The following KCNH1 variants were observed in gnomAD, a reference collection of about 807,000 sequenced individuals.
KCNH1 encodes the protein potassium voltage-gated channel subfamily H member 1.
In KCNH1, 27 loss-of-function variants were observed where a neutral mutation model predicts 69.2. That is an observed-to-expected ratio of 0.39 (90% CI 0.29 to 0.54). KCNH1 has a LOEUF of 0.54. KCNH1 is among the 20% of genes least tolerant of loss of function. The probability of loss-of-function intolerance (pLI) is 0.68; values close to 1 mark genes in which losing one functional copy is unlikely to be tolerated. For synonymous variants in KCNH1, 456 were observed against 487.7 expected (o/e 0.93, Z 0.86); for missense variants, 798 against 1,261.6 (o/e 0.63, Z 5.57).
chr1:211,051,847 G>C (rs751359589), intron 5 of KCNH1, among the ~76,000 whole-genome samples: 28 of 152,134 alleles, frequency 1.8e-4, no homozygotes, highest in Non-Finnish European at 1.8e-4. Context: ...AAAGATTAGG[G>C]AGGCTAAGTA....
chr1:210,940,715 T>C (rs994059127), intron 6 of KCNH1, among the ~76,000 whole-genome samples: 3 of 152,222 alleles, frequency 2.0e-5, no homozygotes, highest in African/African-American at 4.8e-5. Flanking sequence ...ATCTTTTTCA[T>C]TGGCCAAATA....
At chr1:210,904,798 T>A (rs942299488) in intron 7 of KCNH1, among the ~76,000 whole-genome samples, 2 of 152,270 alleles carry the variant, frequency 1.3e-5, no homozygotes, top group African/African-American at 2.4e-5. Context: ...CCACAGACAT[T>A]ATATCTAAGC....
chr1:211,090,395 AC>A (rs2102472919), intron 4 of KCNH1, among the ~76,000 whole-genome samples, 166 bp downstream of exon 4: 1 of 152,254 alleles, frequency 6.6e-6, no homozygotes, highest in Non-Finnish European at 1.5e-5. Flanking sequence ...TCCTTCTCCT[AC>A]CCCGATACAC....
At chr1:210,743,495 G>A (rs1456976935) in intron 10 of KCNH1, among the ~76,000 whole-genome samples, 2 of 152,134 alleles carry the variant, frequency 1.3e-5, no homozygotes, top group African/African-American at 4.8e-5. Flanking sequence ...ACAATCTAGG[G>A]GTCCTGGTTA....
At position 210,775,347 on chromosome 1, in the gene KCNH1, C is replaced by T; in HGVS notation, c.2112+1G>A. 6.2e-7 allele frequency: 1 copy of T among 1,613,640 alleles called. No homozygotes were observed. The highest frequency in any genetic ancestry group is 8.5e-7 in the Non-Finnish European group (1 of 1,179,668). ...GAAAATAACTGAAACTTTTAGCTCACCCTCTTCCTCAAGTTGTACGTCAGA... is the reference window on the plus strand; with the variant it reads ...GAAAATAACTGAAACTTTTAGCTCATCCTCTTCCTCAAGTTGTACGTCAGA... On this transcript the variant is annotated splice_donor_variant, in intron 10 of 10. Coordinates refer to ENST00000271751, the MANE Select transcript of KCNH1 (RefSeq NM_172362.3). LOFTEE classifies it high-confidence loss of function.
At position 210,803,951 on chromosome 1, in the gene KCNH1, TC is replaced by T. The variant is rs1268232026; in HGVS notation, c.1662+15del. 1 of 1,610,036 alleles carries T rather than the reference TC, an allele frequency of 6.2e-7. No homozygotes were observed. Among genetic ancestry groups the T allele is most frequent in the Non-Finnish European group, 8.5e-7 (1 of 1,177,156 alleles). On this transcript the variant is annotated intron_variant, in intron 8 of 10. Coordinates refer to ENST00000271751, the MANE Select transcript of KCNH1 (RefSeq NM_172362.3). ...CAAAAGACAAATGGTTTCCCTGAGC[TC>T]CTCATCCTCCTTACCTTCTCTGTGT... is the stretch of plus-strand genomic sequence containing the variant.
intron 5 of KCNH1, among the ~76,000 whole-genome samples, chr1:211,047,402 G>A (rs1284530393): frequency 2.0e-5 from 3 of 152,198 alleles, no homozygotes; most frequent in African/African-American, 7.2e-5. Flanking sequence ...ACAGGGAGGT[G>A]GGGAATGGGC....
intron 7 of KCNH1, among the ~76,000 whole-genome samples, chr1:210,813,016 T>C (rs1684738672): frequency 6.6e-6 from 1 of 152,180 alleles, no homozygotes; most frequent in Admixed American, 6.5e-5. Flanking sequence ...AAGAGAAATG[T>C]CTGCTTGCTT....
At chr1:210,890,708 A>AC (rs1558513344) in intron 7 of KCNH1, among the ~76,000 whole-genome samples, 1 of 152,054 alleles carries the variant, frequency 6.6e-6, no homozygotes. Context: ...GAAAAAAAAA[A>AC]CCCCATCAAA....
Position 211,071,587 on chromosome 1 carries a change from G to A in KCNH1, c.558+11193C>T, listed in dbSNP as rs181916881. ...ATACTGCATCTTTACGTCTGTAAAT[G>A]TTGTTTGTGTGGAAACGTTTTTATA... On this transcript the variant is annotated intron_variant, in intron 5 of 10. Coordinates refer to ENST00000271751, the MANE Select transcript of KCNH1 (RefSeq NM_172362.3). 1.0e-3 allele frequency among the ~76,000 whole-genome samples: 152 copies of A among 152,278 alleles called. 1 individual carries two copies. Among genetic ancestry groups the A allele is most frequent in the South Asian group, 3.7e-3 (18 of 4,824 alleles).
intron 6 of KCNH1, among the ~76,000 whole-genome samples, chr1:211,015,594 AG>A (rs1294930642): frequency 6.6e-6 from 1 of 152,068 alleles, no homozygotes; most frequent in Non-Finnish European, 1.5e-5. Context: ...AAGCTTCTGG[AG>A]GTAAGACTAA....
At chr1:210,870,506 C>T (rs1046892281) in intron 7 of KCNH1, among the ~76,000 whole-genome samples, 1 of 152,132 alleles carries the variant, frequency 6.6e-6, no homozygotes, top group South Asian at 2.1e-4. Flanking sequence ...CCCAGGTGCC[C>T]TCACTCATCT....
intron 10 of KCNH1, among the ~76,000 whole-genome samples, chr1:210,729,306 G>C (rs973415957): frequency 6.6e-6 from 1 of 152,144 alleles, no homozygotes; most frequent in African/African-American, 2.4e-5. Flanking sequence ...CTTTGGTTAA[G>C]AAATTATCAA....
At position 211,103,378 on chromosome 1, in the gene KCNH1, A is replaced by G. The variant is rs954838003; in HGVS notation, c.310+118T>C. 6.5e-6 allele frequency: 4 copies of G among 619,630 alleles called. No homozygotes were observed. In the African/African-American group the frequency reaches 7.4e-5, roughly 11 times the overall value. 38.4% of individuals were successfully genotyped at this position (619,630 alleles called of 1,614,324 possible). A position where few individuals can be genotyped will look rare whatever the true frequency, so the allele number is the denominator to read the frequency against. On this transcript the variant is annotated intron_variant, in intron 3 of 10. Transcript: ENST00000271751. ...CCATCCCAACATACACAAGGGCTTC[A>G]AGTAACAGCATTTAGCTGGTGGGAG...
intron 6 of KCNH1, among the ~76,000 whole-genome samples, chr1:210,999,582 G>C (rs1228606038): frequency 6.6e-6 from 1 of 152,126 alleles, no homozygotes. Context: ...TTCTACCAGA[G>C]GTACAAGGAG....
chr1:210,732,711 G>T (rs1682773883), intron 10 of KCNH1, among the ~76,000 whole-genome samples: 1 of 152,232 alleles, frequency 6.6e-6, no homozygotes, highest in African/African-American at 2.4e-5. Context: ...CAGATTCAGT[G>T]TCTGGCAAGG....
At position 210,810,100 on chromosome 1, in the gene KCNH1, T is replaced by C. The variant is rs150155685; in HGVS notation, c.1463-5934A>G. Among the ~76,000 whole-genome samples, 500 of 152,276 alleles carry C rather than the reference T, an allele frequency of 3.3e-3. 7 individuals are homozygous for C. Among genetic ancestry groups the C allele is most frequent in the Admixed American group, 4.5e-3 (69 of 15,290 alleles). ...CTCTTTTTTATGAGACATCTTCTAA[T>C]AGCTTTCTGAAAAAAAGGATATATG... On this transcript the variant is annotated intron_variant, in intron 7 of 10. Transcript: ENST00000271751.
At chr1:210,742,447 G>A (rs1302483187) in intron 10 of KCNH1, among the ~76,000 whole-genome samples, 1 of 152,200 alleles carries the variant, frequency 6.6e-6, no homozygotes, top group East Asian at 1.9e-4. Context: ...TGGCTTGATA[G>A]TTTCATATCC....
intron 5 of KCNH1, among the ~76,000 whole-genome samples, chr1:211,041,399 C>A (rs546266103): frequency 6.6e-6 from 1 of 152,202 alleles, no homozygotes. Flanking sequence ...CAGAACTAAT[C>A]TATCACAGGG....
Sources: gnomAD v4.1 joint callset for allele counts (sites outside exome capture counted in the v4.1 genomes callset) on GRCh38, gnomAD v4.1.1 for gene constraint, MANE v1.5 for transcripts, NCBI Gene and HGNC (gene_info 2026-07-23, HGNC 2026-07-21) for gene names.